The following MS4A12 variants were observed in gnomAD, a reference collection of about 807,000 sequenced individuals.
The protein encoded by MS4A12 is membrane-spanning 4-domains subfamily A member 12.
In MS4A12, 28 loss-of-function variants were observed where a neutral mutation model predicts 23.7. The observed-to-expected ratio is 1.18, with a 90% confidence interval of 0.88 to 1.62. The LOEUF (loss-of-function observed/expected upper bound fraction) is 1.62. Ranked by LOEUF, MS4A12 falls within the 40% of genes most tolerant of loss-of-function variation. The pLI is 0.00. For synonymous variants in MS4A12, 108 were observed against 110.1 expected, an observed-to-expected ratio of 0.98 and a Z score of 0.12; for missense variants, 342 against 327.0, an observed-to-expected ratio of 1.05 and a Z score of -0.35.
intron 5 of MS4A12, among the ~76,000 whole-genome samples, chr11:60,505,598 C>T (rs1704157269): frequency 6.6e-6 from 1 of 151,978 alleles, no homozygotes; most frequent in African/African-American, 2.4e-5. Context: ...TGAAAAAAAG[C>T]ACAGCTTTTA....
chr11:60,504,707 T>G (rs1318592989), intron 5 of MS4A12, among the ~76,000 whole-genome samples: 1 of 152,214 alleles, frequency 6.6e-6, no homozygotes, highest in Non-Finnish European at 1.5e-5. Context: ...ACAATAACAT[T>G]TCCTTTATCA....
chr11:60,502,678 C>T (rs1276012207), intron 4 of MS4A12, among the ~76,000 whole-genome samples: 1 of 152,030 alleles, frequency 6.6e-6, no homozygotes, highest in Non-Finnish European at 1.5e-5. Flanking sequence ...TCAACTAGAG[C>T]AGAGGTGGTG....
At chr11:60,496,529 T>C (rs1424999479) in intron 1 of MS4A12, among the ~76,000 whole-genome samples, 3 of 152,222 alleles carry the variant, frequency 2.0e-5, no homozygotes, top group Non-Finnish European at 4.4e-5. Flanking sequence ...TCATCTTAAG[T>C]GGGCATATGT....
Position 60,503,726 on chromosome 11 carries a change from T to C in MS4A12, c.497T>C (p.Ile166Thr), listed in dbSNP as rs1345072231. ...GTGAAAGGCAGCCTGGGAATGAACA[T>C]TGTTAGTTCTATCTTGGCCTTCATT... Reference protein sequence around the residue: ...CLVKGSLGMNIVSSILAFIGV... With the variant: ...CLVKGSLGMNTVSSILAFIGV... The change falls in exon 5 of 7, where the codon ATT becomes ACT. Residue 166 changes from isoleucine to threonine, a missense_variant. Transcript: ENST00000016913. 9 of 1,613,378 alleles carry C rather than the reference T, an allele frequency of 5.6e-6. No homozygotes were observed. The highest frequency in any genetic ancestry group is 3.3e-4 in the Middle Eastern group (2 of 6,076).
At chr11:60,503,901 AC>A (rs1380905943) in intron 5 of MS4A12, 84 bp downstream of exon 5, 1 of 1,168,042 alleles carries the variant, frequency 8.6e-7, no homozygotes, top group African/African-American at 1.5e-5. Context: ...AATACCGTAT[AC>A]CAGCTCTAGT....
chr11:60,505,502 C>A (rs1366529304), intron 5 of MS4A12, among the ~76,000 whole-genome samples: 1 of 127,178 alleles, frequency 7.9e-6, no homozygotes, highest in African/African-American at 3.1e-5. Context: ...AAATACCAAA[C>A]AAAAGAACAA....
Position 60,506,786 on chromosome 11 carries a change from T to C in MS4A12, c.647T>C (p.Val216Ala), listed in dbSNP as rs559899560. ...LMIFSLLEFFVACATAHFANQ... is the reference protein window; with the variant it reads ...LMIFSLLEFFAACATAHFANQ... Reference sequence around the variant, plus strand: ...ATCTTCTCCCTCTTGGAGTTCTTCGTAGCTTGTGCCACAGCCCATTTTGCC... The same window carrying C: ...ATCTTCTCCCTCTTGGAGTTCTTCGCAGCTTGTGCCACAGCCCATTTTGCC... Residue 216 changes from valine (V) to alanine (A), a missense_variant, in exon 6 of 7, where the codon GTA (valine) becomes GCA (alanine). By Grantham distance (64) the Val-to-Ala change is moderately conservative. Transcript: ENST00000016913. 8.9e-5 allele frequency: 144 copies of C among 1,614,214 alleles called. 2 individuals are homozygous for C. In the South Asian group the frequency reaches 1.5e-3, roughly 17 times the overall value.
At position 60,507,118 on chromosome 11, in the gene MS4A12, T is replaced by G. The variant is rs2086576845; in HGVS notation, c.798T>G (p.Pro266=). Residue 266 remains proline (P), a synonymous_variant, in exon 7 of 7, where the codon CCT becomes CCG. Coordinates refer to ENST00000016913, the MANE Select transcript of MS4A12 (RefSeq NM_017716.3). ...GCAACAACTACTCAGCTAATGCCCC[T>G]AAATAGTAAAAGAAAAAGGGGTATC... is the stretch of plus-strand genomic sequence containing the variant. ...PRCNNYSANA[P]K is the part of the protein sequence containing the mutation. 1.2e-6 allele frequency: 2 copies of G among 1,609,068 alleles called. No individual in the cohort carries two copies. The highest frequency in any genetic ancestry group is 1.7e-6 in the Non-Finnish European group (2 of 1,175,534).
chr11:60,501,910 C>T (rs2086533277), intron 3 of MS4A12, 73 bp from the exon 4 acceptor site: 15 of 1,384,372 alleles, frequency 1.1e-5, no homozygotes, highest in South Asian at 1.2e-5. Flanking sequence ...ATAGACCAAC[C>T]TTTCATATAA....
chr11:60,505,139 C>T (rs1205222919), intron 5 of MS4A12, among the ~76,000 whole-genome samples: 5 of 152,120 alleles, frequency 3.3e-5, no homozygotes, highest in African/African-American at 1.2e-4. Context: ...CTTACAGTTC[C>T]ACATGGCTGG....
At chr11:60,501,922 G>A in intron 3 of MS4A12, 61 bp from the exon 4 acceptor site, 1 of 1,461,112 alleles carries the variant, frequency 6.8e-7, no homozygotes, top group South Asian at 1.2e-5. Flanking sequence ...TTCATATAAA[G>A]AGAAATTCCC....
chr11:60,496,495 C>T (rs1334087833), intron 1 of MS4A12, among the ~76,000 whole-genome samples: 2 of 152,046 alleles, frequency 1.3e-5, no homozygotes, highest in Non-Finnish European at 2.9e-5. Context: ...TGAATAAAAG[C>T]ATTTTTCCTA....
At position 60,507,186 on chromosome 11, in the gene MS4A12, A is replaced by G; in HGVS notation, c.*62A>G. ...AAAAACTACTTGCAAAAACTTCTTA[A>G]GAAGATGTCTTTTATTGTCTACAAT... is the stretch of plus-strand genomic sequence containing the variant. On this transcript the variant is annotated 3_prime_UTR_variant, in exon 7 of 7. Coordinates refer to ENST00000016913, the MANE Select transcript of MS4A12 (RefSeq NM_017716.3). 1 of 1,290,896 alleles carries G rather than the reference A, an allele frequency of 7.7e-7. No homozygotes were observed. Among genetic ancestry groups the G allele is most frequent in the Non-Finnish European group, 1.1e-6 (1 of 893,060 alleles). 80.0% of individuals were successfully genotyped at this position (1,290,896 alleles called of 1,614,324 possible).
At chr11:60,506,571 C>A (rs995134504) in intron 5 of MS4A12, among the ~76,000 whole-genome samples, 157 bp from the exon 6 acceptor site, 1 of 152,294 alleles carries the variant, frequency 6.6e-6, no homozygotes, top group East Asian at 1.9e-4. Flanking sequence ...AAAATAAATT[C>A]ACACTCCTCT....
intron 2 of MS4A12, among the ~76,000 whole-genome samples, chr11:60,498,845 A>G (rs1021813223): frequency 2.6e-5 from 4 of 152,158 alleles, no homozygotes; most frequent in African/African-American, 9.7e-5. Flanking sequence ...GAAAACAACC[A>G]GTGTAAAAGT....
At chr11:60,498,582 C>A (rs1403638557) in intron 2 of MS4A12, among the ~76,000 whole-genome samples, 1 of 152,182 alleles carries the variant, frequency 6.6e-6, no homozygotes, top group Non-Finnish European at 1.5e-5. Flanking sequence ...AAAGGAGGTG[C>A]AATCTCTGCC....
At position 60,502,020 on chromosome 11, in the gene MS4A12, A is replaced by G. The variant is rs1271870796; in HGVS notation, c.452A>G (p.Lys151Arg). ...ISGSLSVSAS[K>R]ELSRCLVKGS... ...GGCTCTCTCTCTGTGTCAGCATCCA[A>G]GGAGCTTTCCCGTTGTCTGGTAAGT... Residue 151 changes from lysine (K) to arginine (R), a missense_variant, in exon 4 of 7, where the codon AAG (lysine) becomes AGG (arginine). Transcript: ENST00000016913. The G allele has an allele frequency of 5.6e-6, 9 of 1,612,946 alleles. No individual in the cohort carries two copies. The African/African-American group carries it at 9.3e-5, about 17-fold the overall frequency.
At chr11:60,502,814 C>T (rs556398051) in intron 4 of MS4A12, among the ~76,000 whole-genome samples, 31 of 152,206 alleles carry the variant, frequency 2.0e-4, no homozygotes, top group African/African-American at 7.2e-4. Context: ...ATAAAATAAG[C>T]CTAATTCTGA....
intron 1 of MS4A12, among the ~76,000 whole-genome samples, chr11:60,496,711 G>A (rs1396727282): frequency 3.3e-5 from 5 of 152,188 alleles, no homozygotes; most frequent in East Asian, 1.9e-4. Context: ...TGACAGTTCT[G>A]TAGGTCAGAA....
Sources: allele counts gnomAD v4.1 joint callset (sites outside exome capture counted in the v4.1 genomes callset), GRCh38; gene constraint gnomAD v4.1.1; transcripts MANE v1.5; gene names NCBI Gene and HGNC (gene_info 2026-07-23, HGNC 2026-07-21).